The following TMEM182 variants were observed in gnomAD, a reference collection of about 807,000 sequenced individuals.
TMEM182 encodes transmembrane protein 182.
In TMEM182, 20 loss-of-function variants were observed where a neutral mutation model predicts 26.8. The observed-to-expected ratio is 0.75, with a 90% CI of 0.53 to 1.09. TMEM182 has a LOEUF of 1.09. Ranked by LOEUF, TMEM182 falls within the 50% of genes least tolerant of loss-of-function variation. The pLI is 0.00. For missense variants in TMEM182, 277 were observed against 275.5 expected, an observed-to-expected ratio of 1.01 and a Z score of -0.04; for synonymous variants, 109 against 102.2, an observed-to-expected ratio of 1.07 and a Z score of -0.40.
intron 3 of TMEM182, among the ~76,000 whole-genome samples, chr2:102,829,275 AG>A (rs1683103602): frequency 6.6e-6 from 1 of 152,134 alleles, no homozygotes; most frequent in South Asian, 2.1e-4. Flanking sequence ...TATAGTTTCT[AG>A]GGGATAGGTC....
intron 3 of TMEM182, chr2:102,775,377 C>T (rs576026402): frequency 8.2e-4 from 125 of 152,208 alleles, no homozygotes; most frequent in African/African-American, 2.8e-3. Flanking sequence ...TAGGTATTGA[C>T]GGGATGTATC....
At chr2:102,813,444 T>A (rs1028235292) in intron 4 of TMEM182, among the ~76,000 whole-genome samples, 6 of 152,242 alleles carry the variant, frequency 3.9e-5, no homozygotes, top group African/African-American at 1.4e-4. Context: ...ATTTTATACC[T>A]AACAGTTCAA....
rs148493038 is a variant in TMEM182, at chr2:102,826,524, G to A, written c.326-16888G>A. Among the ~76,000 whole-genome samples the A allele has an allele frequency of 5.1e-4, 78 of 152,076 alleles. No individual in the cohort carries two copies. In the East Asian group the frequency reaches 0.014, roughly 28 times the overall value. On this transcript the variant is annotated intron_variant, in intron 3 of 3. Coordinates refer to the TMEM182 transcript ENST00000486293. Reference sequence around the variant, plus strand: ...GACAATGAAAATGTTCATGCAACGTGTTTGCAAAAGTATCTGACACAAAAT... The same window carrying A: ...GACAATGAAAATGTTCATGCAACGTATTTGCAAAAGTATCTGACACAAAAT...
At position 102,816,197 on chromosome 2, in the gene TMEM182, G is replaced by A; in HGVS notation, c.*1229G>A. ...CATCTGAGATGCCTAGCTCGTATTT[G>A]CATTCTGGAAGCCTCCATCGCAGGG... On this transcript the variant is annotated 3_prime_UTR_variant, in exon 5 of 5. Transcript: ENST00000412401. 1 of 985,324 alleles carries A rather than the reference G, an allele frequency of 1.0e-6. No individual in the cohort carries two copies. The allele number at this position is 985,324 out of a possible 1,614,324, so 61.0% of individuals were successfully genotyped here. A position where few individuals can be genotyped will look rare whatever the true frequency, so the allele number is the denominator to read the frequency against.
intron 3 of TMEM182, among the ~76,000 whole-genome samples, chr2:102,839,099 C>T (rs746187359): frequency 6.6e-6 from 1 of 152,216 alleles, no homozygotes; most frequent in East Asian, 1.9e-4. Flanking sequence ...GTCTTGCTGC[C>T]TTCTGCATGA....
At position 102,828,742 on chromosome 2, in the gene TMEM182, G is replaced by A. The variant is rs77278779; in HGVS notation, c.326-14670G>A. The stretch of plus-strand genomic sequence containing the variant: ...CCACAATAGGAGCTCAGTAGATGTC[G>A]GCTAGATGAATGACAGCATGGAGTG... On this transcript the variant is annotated intron_variant, in intron 3 of 3. Coordinates refer to the TMEM182 transcript ENST00000486293. Among the ~76,000 whole-genome samples, 173 of 152,270 alleles carry A rather than the reference G, an allele frequency of 1.1e-3. 1 individual carries two copies. Among genetic ancestry groups the A allele is most frequent in the East Asian group, 4.6e-3 (24 of 5,186 alleles).
intron 3 of TMEM182, among the ~76,000 whole-genome samples, chr2:102,836,256 T>C (rs1683245217): frequency 6.6e-6 from 1 of 152,220 alleles, no homozygotes; most frequent in Non-Finnish European, 1.5e-5. Context: ...ATACAAAGAT[T>C]ATAATTGCTG....
intron 3 of TMEM182, among the ~76,000 whole-genome samples, chr2:102,778,974 T>G (rs1681046323): frequency 6.6e-6 from 1 of 152,108 alleles, no homozygotes; most frequent in African/African-American, 2.4e-5. Context: ...TTATTTTGCT[T>G]TTGTTTAGAA....
chr2:102,819,157 C>G (rs1682855817), downstream of TMEM182, among the ~76,000 whole-genome samples: 1 of 151,956 alleles, frequency 6.6e-6, no homozygotes, highest in African/African-American at 2.4e-5. Flanking sequence ...TTTTTCTTTT[C>G]TTAGCATTTT....
At chr2:102,761,291 G>C (rs1680204135), upstream of TMEM182, among the ~76,000 whole-genome samples, 1 of 152,182 alleles carries the variant, frequency 6.6e-6, no homozygotes, top group Non-Finnish European at 1.5e-5. Context: ...ATATTTTGAG[G>C]AAGTGAGATA....
At chr2:102,808,368 G>C (rs1326237965) in intron 4 of TMEM182, among the ~76,000 whole-genome samples, 1 of 152,182 alleles carries the variant, frequency 6.6e-6, no homozygotes, top group Non-Finnish European at 1.5e-5. Flanking sequence ...GTTTGAGGAA[G>C]ACAGTTAAGG....
chr2:102,748,861 T>C (rs1679792532), intron 1 of TMEM182, among the ~76,000 whole-genome samples: 1 of 152,216 alleles, frequency 6.6e-6, no homozygotes, highest in African/African-American at 2.4e-5. Context: ...TCTTAAATTA[T>C]TTCTCCAGTT....
At chr2:102,742,864 G>C (rs1482931332) in intron 1 of TMEM182, among the ~76,000 whole-genome samples, 4 of 151,870 alleles carry the variant, frequency 2.6e-5, no homozygotes, top group Non-Finnish European at 5.9e-5. Context: ...AATTTTCTCA[G>C]GTTAAAAAAA....
chr2:102,752,372 T>C lies in TMEM182; in HGVS notation c.-82-6017T>C, dbSNP rs1405253923. Among the ~76,000 whole-genome samples the C allele has an allele frequency of 3.3e-5, 5 of 152,210 alleles. No homozygotes were observed. In the East Asian group the frequency reaches 7.7e-4, roughly 23 times the overall value. ...GTTGTGTCATTTGGGTATCATGATATGCTCTAATTTTTAAGTGCTTACCCC... is the reference window on the plus strand; with the variant it reads ...GTTGTGTCATTTGGGTATCATGATACGCTCTAATTTTTAAGTGCTTACCCC... On this transcript the variant is annotated intron_variant, in intron 1 of 5. Coordinates refer to the TMEM182 transcript ENST00000409173.
intron 3 of TMEM182, among the ~76,000 whole-genome samples, chr2:102,791,844 A>G (rs1015753766): frequency 4.6e-5 from 7 of 152,136 alleles, no homozygotes; most frequent in Non-Finnish European, 1.0e-4. Context: ...AAAATCTTCA[A>G]AGACAAGGCT....
At chr2:102,822,768 G>A (rs1030492143) in intron 3 of TMEM182, among the ~76,000 whole-genome samples, 2 of 152,160 alleles carry the variant, frequency 1.3e-5, no homozygotes, top group African/African-American at 4.8e-5. Flanking sequence ...AGAGGGCCAT[G>A]AAAAAAGTGG....
At chr2:102,838,431 G>C (rs527739457) in intron 3 of TMEM182, among the ~76,000 whole-genome samples, 1 of 152,268 alleles carries the variant, frequency 6.6e-6, no homozygotes, top group South Asian at 2.1e-4. Context: ...AAATGGTACC[G>C]ATGTGAAGAG....
upstream of TMEM182, among the ~76,000 whole-genome samples, chr2:102,758,665 C>A (rs914936235): frequency 5.9e-5 from 9 of 152,132 alleles, no homozygotes; most frequent in South Asian, 2.1e-4. Context: ...CTCAGGAGGT[C>A]ATGTATTTGC....
In TMEM182 at chr2:102,793,999, G is replaced by A. The variant is rs550836656; in HGVS notation, c.332-3864G>A. ...GCAGGAGGATTGTTTGAACCCAGGAGCTTGAGGCTGCAGTGAGCTGTGATT... is the reference window on the plus strand; with the variant it reads ...GCAGGAGGATTGTTTGAACCCAGGAACTTGAGGCTGCAGTGAGCTGTGATT... On this transcript the variant is annotated intron_variant, in intron 3 of 4. Transcript: ENST00000412401. Among the ~76,000 whole-genome samples the A allele has an allele frequency of 3.2e-4, 49 of 152,296 alleles. No individual in the cohort carries two copies. The Middle Eastern group carries it at 0.01, about 32-fold the overall frequency.
Sources: allele counts gnomAD v4.1 joint callset (sites outside exome capture counted in the v4.1 genomes callset), GRCh38; gene constraint gnomAD v4.1.1; transcripts MANE v1.5; gene names NCBI Gene and HGNC (gene_info 2026-07-23, HGNC 2026-07-21).